The following COL9A1 variants were observed in gnomAD, a reference collection of about 807,000 sequenced individuals.
COL9A1 encodes collagen alpha-1(IX) chain.
A neutral mutation model predicts 142.6 loss-of-function variants in COL9A1; 104 were observed. The ratio of observed to expected loss-of-function variants is 0.73; its 90% confidence interval spans 0.62 to 0.86. COL9A1 has a LOEUF of 0.86. COL9A1 is among the 40% of genes least tolerant of loss of function. The pLI is 0.00. For synonymous variants in COL9A1, 466 were observed against 396.0 expected (o/e 1.18, Z -2.10); for missense variants, 1,210 against 1,176.6 (o/e 1.03, Z -0.42).
chr6:70,240,532 T>C lies in COL9A1; in HGVS notation c.2079+157A>G, dbSNP rs1175424548. 2.6e-5 allele frequency among the ~76,000 whole-genome samples: 4 copies of C among 151,748 alleles called. No individual in the cohort carries two copies. The East Asian group carries it at 7.8e-4, about 29-fold the overall frequency. The stretch of plus-strand genomic sequence containing the variant: ...TTGTTAGCTGATAGGAGAAACATCA[T>C]AACCTTTAAAGAAGGCAGTGAGGAT... On this transcript the variant is annotated intron_variant, in intron 32 of 37. Transcript: ENST00000357250.
downstream of COL9A1, chr6:70,215,771 A>T (rs796079317): frequency 1.6e-4 from 24 of 152,348 alleles, no homozygotes; most frequent in African/African-American, 5.5e-4. Context: ...CTTAACCTAG[A>T]AATAAAGCAA....
chr6:70,239,076 T>G (rs1770084470), intron 33 of COL9A1, among the ~76,000 whole-genome samples, 178 bp downstream of exon 33: 1 of 152,078 alleles, frequency 6.6e-6, no homozygotes, highest in South Asian at 2.1e-4. Context: ...GAGGCAGAGG[T>G]TGCAGTGAGC....
chr6:70,252,411 G>C, intron 26 of COL9A1, 96 bp from the exon 27 acceptor site: 1 of 1,061,898 alleles, frequency 9.4e-7, no homozygotes, highest in Non-Finnish European at 1.5e-6. Flanking sequence ...CATTTGAATA[G>C]CATTAATTCC....
At chr6:70,256,923 G>C in intron 20 of COL9A1, 102 bp from the exon 21 acceptor site, 19 of 1,067,574 alleles carry the variant, frequency 1.8e-5, no homozygotes, top group Non-Finnish European at 2.5e-5. Context: ...TGAAAAGGAG[G>C]TTTTGTGCCT....
chr6:70,232,712 G>A lies in COL9A1; in HGVS notation c.2374C>T (p.Pro792Ser), dbSNP rs1250233361. The change falls in exon 36 of 38, where the codon CCT becomes TCT. Residue 792 changes from proline to serine, a missense_variant. Transcript: ENST00000357250. ...KRPDSGATGL[P>S]GRPGPPGPPG... is the part of the protein sequence containing the mutation. ...GGACCAGGAGGGCCAGGCCTTCCAG[G>A]AAGCCCAGTGGCACCTGAGTCTGGA... The A allele has an allele frequency of 6.2e-7, 1 of 1,613,944 alleles. No homozygotes were observed. The highest frequency in any genetic ancestry group is 2.2e-5 in the East Asian group (1 of 44,880).
chr6:70,300,392 A>T lies in COL9A1; in HGVS notation c.89-6T>A. On this transcript the variant is annotated splice_region_variant and splice_polypyrimidine_tract_variant and intron_variant, in intron 2 of 37. Transcript: ENST00000357250. ...ATTGGAATTGACAGGGAATCCTGCA[A>T]AAGAGATAGCATGTCATTCTACTTC... The T allele has an allele frequency of 6.3e-7, 1 of 1,588,448 alleles. No homozygotes were observed. The highest frequency in any genetic ancestry group is 8.6e-7 in the Non-Finnish European group (1 of 1,156,988).
chr6:70,242,182 T>C (rs934670135), intron 29 of COL9A1, 147 bp from the exon 30 acceptor site: 11 of 732,974 alleles, frequency 1.5e-5, no homozygotes, highest in African/African-American at 1.2e-4. Flanking sequence ...TTGCCTCTCT[T>C]TCATATTCTC....
chr6:70,280,326 G>A (rs748543173), intron 10 of COL9A1: 19 of 1,199,834 alleles, frequency 1.6e-5, no homozygotes, highest in Non-Finnish European at 1.9e-5. Context: ...ACATTCCTTG[G>A]GATTTAGGAG....
intron 6 of COL9A1, chr6:70,283,345 C>A (rs1773296566): frequency 3.0e-6 from 3 of 1,010,398 alleles, no homozygotes; most frequent in Admixed American, 2.9e-5. Flanking sequence ...ACTGAGCACG[C>A]AGCTCTGCCT....
chr6:70,225,910 C>T (rs1769195147), intron 37 of COL9A1, 22 bp downstream of exon 37: 1 of 1,607,514 alleles, frequency 6.2e-7, no homozygotes, highest in African/African-American at 1.3e-5. Context: ...ACCTCCTCCT[C>T]TCAGCTATAC....
chr6:70,248,861 CAA>C (rs1295415594), intron 28 of COL9A1, among the ~76,000 whole-genome samples: 1 of 152,122 alleles, frequency 6.6e-6, no homozygotes, highest in Admixed American at 6.5e-5. Context: ...ACAAAGGACA[CAA>C]GAGTTCAGAA....
At chr6:70,235,092 G>T in intron 33 of COL9A1, 152 bp from the exon 34 acceptor site, 1 of 910,098 alleles carries the variant, frequency 1.1e-6, no homozygotes, top group Non-Finnish European at 1.7e-6. Context: ...TTCACTGCAA[G>T]GTGAAGACAC....
rs1562305261 is a variant in COL9A1, at chr6:70,254,487, G to A, written c.1708C>T (p.Gln570Ter). ...KPGPPGDAGLQGLPGVPGIPG... is the reference protein window; with the variant it reads ...KPGPPGDAGL ...AATCAAATACTTACTGGTAACCCCT[G>A]CAATCCTGCATCACCAGGAGGCCCA... The change falls in exon 25 of 38, where the codon CAG (glutamine) becomes TAG (stop). Residue 570 changes from glutamine to a stop codon, truncating the protein, a stop_gained. Coordinates refer to ENST00000357250, the MANE Select transcript of COL9A1 (RefSeq NM_001851.6). LOFTEE classifies it high-confidence loss of function. 1.2e-6 allele frequency: 2 copies of A among 1,614,006 alleles called. No homozygotes were observed.
chr6:70,228,582 T>C (rs1204264873), intron 36 of COL9A1, among the ~76,000 whole-genome samples: 1 of 152,150 alleles, frequency 6.6e-6, no homozygotes, highest in African/African-American at 2.4e-5. Flanking sequence ...AACAAAGTCA[T>C]GTACACAACA....
intron 7 of COL9A1, among the ~76,000 whole-genome samples, chr6:70,281,776 GCCTTTGTAT>G (rs1773183621): frequency 1.3e-5 from 2 of 152,094 alleles, no homozygotes; most frequent in African/African-American, 4.8e-5. Context: ...AGGGTCTAAC[GCCTTTGTAT>G]CCTCAAAAGG....
At chr6:70,227,424 TAAAAAAAAA>T (rs11407353) in intron 36 of COL9A1, among the ~76,000 whole-genome samples, 2 of 50,046 alleles carry the variant, frequency 4.0e-5, no homozygotes, top group South Asian at 1.3e-3. Context: ...ATGCAAATTG[TAAAAAAAAA>T]AAAAAAAAAA....
In COL9A1 at chr6:70,261,630, C is replaced by G. The variant is rs1298624912; in HGVS notation, c.1396-920G>C. Among the ~76,000 whole-genome samples the G allele has an allele frequency of 2.0e-5, 3 of 152,320 alleles. No homozygotes were observed. In the East Asian group the frequency reaches 5.8e-4, roughly 29 times the overall value. On this transcript the variant is annotated intron_variant, in intron 19 of 37. Transcript: ENST00000357250. ...GACCAGTCACAAATTCTATGTAGAT[C>G]AGTCAGGAATGACCTCCAATTCAAA...
intron 17 of COL9A1, among the ~76,000 whole-genome samples, chr6:70,268,427 T>C (rs145785234): frequency 3.9e-5 from 6 of 152,056 alleles, no homozygotes; most frequent in African/African-American, 1.4e-4. Context: ...GTTGTCCAGG[T>C]TGGTCTCAAA....
chr6:70,280,290 T>C (rs2127596677), intron 10 of COL9A1: 1 of 1,235,774 alleles, frequency 8.1e-7, no homozygotes, highest in East Asian at 3.2e-5. Context: ...ACATCCCCAC[T>C]CACTTCAAGT....
Sources: allele counts gnomAD v4.1 joint callset (sites outside exome capture counted in the v4.1 genomes callset), GRCh38; gene constraint gnomAD v4.1.1; transcripts MANE v1.5; gene names NCBI Gene and HGNC (gene_info 2026-07-23, HGNC 2026-07-21).